The following UBR4 variants were observed in gnomAD, a reference collection of about 807,000 sequenced individuals.
UBR4 encodes the protein ubiquitin protein ligase E3 component n-recognin 4, also known as E3 ubiquitin-protein ligase UBR4.
A neutral mutation model predicts 575.6 loss-of-function variants in UBR4; 124 were observed. The ratio of observed to expected loss-of-function variants is 0.22; its 90% confidence interval spans 0.19 to 0.25. The LOEUF (loss-of-function observed/expected upper bound fraction) is 0.25. Ranked by LOEUF, UBR4 falls within the 10% of genes least tolerant of loss-of-function variation. The pLI is 1.00. For synonymous variants in UBR4, 2,455 were observed against 2,473.7 expected (o/e 0.99, Z 0.22); for missense variants, 4,818 against 6,478.8 (o/e 0.74, Z 8.80).
At chr1:19,084,817 G>T (rs2076849856) in intron 101 of UBR4, 119 bp from the exon 102 acceptor site, 1 of 979,040 alleles carries the variant, frequency 1.0e-6, no homozygotes. Flanking sequence ...TTTGCAAACG[G>T]AGACAAGAAT....
chr1:19,128,540 T>A (rs975075698), intron 61 of UBR4, among the ~76,000 whole-genome samples: 9 of 152,220 alleles, frequency 5.9e-5, no homozygotes, highest in Non-Finnish European at 1.2e-4. Context: ...AAAAAATGTT[T>A]TGTAAAAAGT....
At chr1:19,200,414 T>G (rs933407309) in intron 2 of UBR4, among the ~76,000 whole-genome samples, 5 of 152,150 alleles carry the variant, frequency 3.3e-5, no homozygotes, top group South Asian at 2.1e-4. Context: ...TGTAGTAGTA[T>G]TCCCATGGAT....
Position 19,151,484 on chromosome 1 carries a change from C to G in UBR4, c.7213+159G>C, listed in dbSNP as rs771047866. On this transcript the variant is annotated intron_variant, in intron 48 of 105. Coordinates refer to ENST00000375254, the MANE Select transcript of UBR4 (RefSeq NM_020765.3). ...GTGTACTCCTTTCCTGTCACCTTGC[C>G]TCTTTAATACATCAAATGAAGCTCA... The G allele has an allele frequency of 1.2e-5, 9 of 758,404 alleles. No individual in the cohort carries two copies. In the South Asian group the frequency reaches 1.5e-4, roughly 12 times the overall value. The allele number at this position is 758,404 out of a possible 1,614,324, so 47.0% of individuals were successfully genotyped here.
In UBR4 at chr1:19,173,031, C is replaced by T; in HGVS notation, c.3354G>A (p.Leu1118=). 1.9e-6 allele frequency: 3 copies of T among 1,613,956 alleles called. No homozygotes were observed. The highest frequency in any genetic ancestry group is 2.5e-6 in the Non-Finnish European group (3 of 1,179,972). ...TILQLHEIPS[L]QSIYTLDAAI... is the part of the protein sequence containing the mutation. ...CGGCATCAAGGGTGTAGATGGACTG[C>T]AGACTGGGAATTTCATGCAGCTGCA... is the stretch of plus-strand genomic sequence containing the variant. The change falls in exon 25 of 106, where the codon CTG becomes CTA. Residue 1118 remains leucine (L), a synonymous_variant. Coordinates refer to ENST00000375254, the MANE Select transcript of UBR4 (RefSeq NM_020765.3).
At chr1:19,123,208 T>C (rs141825891) in intron 65 of UBR4, 148 bp from the exon 66 acceptor site, 3 of 839,318 alleles carry the variant, frequency 3.6e-6, no homozygotes, top group Admixed American at 2.5e-5. Context: ...TCCCAGCACT[T>C]TGGAATGCCG....
At chr1:19,135,242 T>A (rs1238970914) in intron 60 of UBR4, among the ~76,000 whole-genome samples, 1 of 152,210 alleles carries the variant, frequency 6.6e-6, no homozygotes, top group Non-Finnish European at 1.5e-5. Context: ...AGAAGCTGTT[T>A]CTGAACTCCA....
chr1:19,076,090 C>T (rs1333757213), intron 105 of UBR4, among the ~76,000 whole-genome samples: 2 of 152,204 alleles, frequency 1.3e-5, no homozygotes, highest in Non-Finnish European at 2.9e-5. Context: ...TCACCTCCCC[C>T]TGCTGTCACT....
rs764524117 is a variant in UBR4, at chr1:19,164,393, G to A, written c.4560C>T (p.Pro1520=). The A allele has an allele frequency of 6.8e-6, 11 of 1,614,082 alleles. No homozygotes were observed. The highest frequency in any genetic ancestry group is 8.5e-6 in the Non-Finnish European group (10 of 1,180,044). The change falls in exon 33 of 106, where the codon CCC becomes CCT. Residue 1520 remains proline (P), a synonymous_variant. Transcript: ENST00000375254. The stretch of plus-strand genomic sequence containing the variant: ...CGTTGGCCAGCATCTCTGTTGCCAT[G>A]GGAGTCAGGGTGCCCAGAAGAACAG... ...VCAVLLGTLT[P]MATEMLANGD...
At position 19,086,673 on chromosome 1, in the gene UBR4, G is replaced by A; in HGVS notation, c.14687+6C>T. On this transcript the variant is annotated splice_donor_region_variant and intron_variant, in intron 100 of 105. Transcript: ENST00000375254. ...AAGGAGCCATTCCGCAAGAGCCAGG[G>A]CCTACCTGACGGCAGCCAGATGGCA... The A allele has an allele frequency of 6.2e-7, 1 of 1,613,812 alleles. No homozygotes were observed.
At chr1:19,201,895 A>C in intron 1 of UBR4, 80 bp from the exon 2 acceptor site, 1 of 1,219,656 alleles carries the variant, frequency 8.2e-7, no homozygotes, top group Non-Finnish European at 1.2e-6. Flanking sequence ...ATATTACATT[A>C]TTTAATCCTT....
intron 88 of UBR4, 88 bp downstream of exon 88, chr1:19,101,432 C>G (rs2078625820): frequency 6.7e-7 from 1 of 1,486,260 alleles, no homozygotes; most frequent in Non-Finnish European, 9.0e-7. Context: ...GTACAATTCC[C>G]CATAACTTTA....
chr1:19,084,744 TGAAAACCCA>T (rs2076842120), intron 101 of UBR4, 46 bp from the exon 102 acceptor site: 1 of 1,554,578 alleles, frequency 6.4e-7, no homozygotes, highest in Admixed American at 1.8e-5. Flanking sequence ...GAGTTCCTGG[TGAAAACCCA>T]GTTTGGGAGA....
chr1:19,096,992 CTTTT>C (rs36041876), intron 91 of UBR4, among the ~76,000 whole-genome samples, 197 bp downstream of exon 91: 1 of 144,496 alleles, frequency 6.9e-6, no homozygotes, highest in Non-Finnish European at 1.5e-5. Context: ...TGCTGGTATT[CTTTT>C]TTTTTTTTTT....
In UBR4 at chr1:19,104,260, G is replaced by A. The variant is rs1220008403; in HGVS notation, c.12728-3C>T. ...CTCAACAAAGGAGGAGAGAAGGCCT[G>A]TGGAGACAGGAAAATGTTGCTGTGA... is the stretch of plus-strand genomic sequence containing the variant. On this transcript the variant is annotated splice_region_variant and splice_polypyrimidine_tract_variant and intron_variant, in intron 86 of 105. Transcript: ENST00000375254. 6.2e-7 allele frequency: 1 copy of A among 1,613,738 alleles called. No homozygotes were observed. Among genetic ancestry groups the A allele is most frequent in the Non-Finnish European group, 8.5e-7 (1 of 1,179,792 alleles).
chr1:19,131,982 T>C (rs1223368417), intron 60 of UBR4, among the ~76,000 whole-genome samples: 1 of 152,176 alleles, frequency 6.6e-6, no homozygotes, highest in Non-Finnish European at 1.5e-5. Context: ...TCCCAAATGT[T>C]TAGAAATTTA....
chr1:19,160,197 C>A lies in UBR4; in HGVS notation c.5491G>T (p.Ala1831Ser). 1 of 1,613,702 alleles carries A rather than the reference C, an allele frequency of 6.2e-7. No individual in the cohort carries two copies. Among genetic ancestry groups the A allele is most frequent in the Non-Finnish European group, 8.5e-7 (1 of 1,179,996 alleles). Residue 1831 changes from alanine (A) to serine (S), a missense_variant, in exon 39 of 106, where the codon GCC (alanine) becomes TCC (serine). By Grantham distance (99) the Ala-to-Ser change is moderately conservative (BLOSUM62 1). Coordinates refer to ENST00000375254, the MANE Select transcript of UBR4 (RefSeq NM_020765.3). ...AIQTNFQQASAVGSSSRAQQA... is the reference protein window; with the variant it reads ...AIQTNFQQASSVGSSSRAQQA... ...TGAGCACGGCTGCTGCTCCCGACGG[C>A]TGAAGCTTGCTGGAAGTTGGTCTGA...
chr1:19,118,155 TA>T (rs1425166628), intron 71 of UBR4: 6 of 411,672 alleles, frequency 1.5e-5, no homozygotes, highest in Non-Finnish European at 2.6e-5. Context: ...AGAGGAATTC[TA>T]AAAAGTAGTA....
At chr1:19,096,973 C>G (rs1275578661) in intron 91 of UBR4, among the ~76,000 whole-genome samples, 2 of 146,560 alleles carry the variant, frequency 1.4e-5, no homozygotes, top group East Asian at 4.1e-4. Context: ...GCATTTTCCT[C>G]TAAAAGTTTG....
intron 97 of UBR4, among the ~76,000 whole-genome samples, chr1:19,092,422 A>T (rs1377362243): frequency 6.6e-6 from 1 of 151,630 alleles, no homozygotes; most frequent in Non-Finnish European, 1.5e-5. Flanking sequence ...TGTGGGGAGA[A>T]ATCAGGAATG....
Sources: gnomAD v4.1 joint callset for allele counts (sites outside exome capture counted in the v4.1 genomes callset) on GRCh38, gnomAD v4.1.1 for gene constraint, MANE v1.5 for transcripts, NCBI Gene and HGNC (gene_info 2026-07-23, HGNC 2026-07-21) for gene names.